RAB17: variants seen among roughly 807,000 people sequenced by gnomAD.
RAB17 encodes RAB17, member RAS oncogene family.
RAB17 carries 15 observed loss-of-function variants against 19.3 expected under a neutral mutation model. The observed-to-expected ratio is 0.78, with a 90% CI of 0.52 to 1.20. The LOEUF (loss-of-function observed/expected upper bound fraction) is 1.20, where lower values mean the gene tolerates loss of function less well. Ranked by LOEUF, RAB17 falls within the 50% of genes most tolerant of loss-of-function variation. RAB17 has a pLI of 0.00. For synonymous variants in RAB17, 110 were observed against 112.8 expected (o/e 0.97, Z 0.16); for missense variants, 262 against 269.3 (o/e 0.97, Z 0.19).
chr2:237,585,928 C>A (rs1019784905), intron 2 of RAB17, 70 bp downstream of exon 2: 1 of 1,476,094 alleles, frequency 6.8e-7, no homozygotes. Flanking sequence ...CCCCATCTGC[C>A]CCAGGTGTGG....
intron 3 of RAB17, 41 bp downstream of exon 3, chr2:237,577,963 C>A: frequency 6.4e-7 from 1 of 1,561,786 alleles, no homozygotes. Flanking sequence ...AAGGCAGGTG[C>A]TTGGGAAGGA....
Position 237,586,083 on chromosome 2 carries a change from G to A in RAB17, c.72C>T (p.Leu24=), listed in dbSNP as rs1267655092. 4.3e-6 allele frequency: 7 copies of A among 1,613,718 alleles called. No individual in the cohort carries two copies. The highest frequency in any genetic ancestry group is 5.1e-6 in the Non-Finnish European group (6 of 1,179,824). Residue 24 remains leucine (L), a synonymous_variant, in exon 2 of 6, where the codon CTC becomes CTT. Coordinates refer to ENST00000264601, the MANE Select transcript of RAB17 (RefSeq NM_022449.4). ...PSQPRVFKLV[L]LGSGSVGKSS... is the part of the protein sequence containing the mutation. ...ACTTACCCACGGAGCCACTTCCCAG[G>A]AGAACCAGCTTGAACACACGGGGCT...
chr2:237,582,253 C>T (rs753537588), intron 2 of RAB17, among the ~76,000 whole-genome samples: 4 of 152,238 alleles, frequency 2.6e-5, no homozygotes, highest in Non-Finnish European at 5.9e-5. Context: ...GAGCCCACCA[C>T]CTGTGTCATG....
intron 2 of RAB17, chr2:237,579,086 G>C (rs966833374): frequency 1.3e-5 from 2 of 152,210 alleles, no homozygotes; most frequent in Non-Finnish European, 2.9e-5. Context: ...TGGCTTGTCA[G>C]GAATGTGTTA....
intron 2 of RAB17, among the ~76,000 whole-genome samples, chr2:237,581,143 T>C (rs2081305308): frequency 6.6e-6 from 1 of 152,058 alleles, no homozygotes; most frequent in East Asian, 1.9e-4. Flanking sequence ...AACCCCAGCA[T>C]TTTGGGAGGC....
At chr2:237,581,690 A>G (rs1559396596) in intron 2 of RAB17, among the ~76,000 whole-genome samples, 1 of 152,230 alleles carries the variant, frequency 6.6e-6, no homozygotes, top group Admixed American at 6.5e-5. Context: ...CTGATGACAA[A>G]TTGAAAGGAA....
chr2:237,589,207 G>A (rs917411240), intron 1 of RAB17, among the ~76,000 whole-genome samples: 5 of 134,520 alleles, frequency 3.7e-5, no homozygotes, highest in African/African-American at 1.1e-4. Flanking sequence ...GTGACAGAGC[G>A]AGAATCTGTC....
At chr2:237,588,819 C>T (rs2081370325) in intron 1 of RAB17, among the ~76,000 whole-genome samples, 1 of 152,222 alleles carries the variant, frequency 6.6e-6, no homozygotes. Context: ...TAGCCCGAAA[C>T]ATGTCTGAAT....
intron 2 of RAB17, chr2:237,579,662 C>T (rs1297516315): frequency 6.6e-6 from 1 of 152,096 alleles, no homozygotes; most frequent in Non-Finnish European, 1.5e-5. Flanking sequence ...AGGTCGCACT[C>T]ACAGGTTCCG....
chr2:237,575,289 C>T (rs2081252599), intron 5 of RAB17, 98 bp downstream of exon 5: 2 of 1,115,186 alleles, frequency 1.8e-6, no homozygotes, highest in Non-Finnish European at 2.6e-6. Flanking sequence ...TCCCTAAAGA[C>T]ATTCTATGGG....
chr2:237,581,181 G>A (rs1296199182), intron 2 of RAB17, among the ~76,000 whole-genome samples: 1 of 152,108 alleles, frequency 6.6e-6, no homozygotes, highest in Admixed American at 6.5e-5. Flanking sequence ...TCTAGCTCAG[G>A]AGCTTAAGAT....
chr2:237,579,126 G>A (rs1246264191), intron 2 of RAB17: 1 of 152,202 alleles, frequency 6.6e-6, no homozygotes, highest in Non-Finnish European at 1.5e-5. Context: ...CGGGGCGGGG[G>A]AAGGCAAGGT....
intron 2 of RAB17, among the ~76,000 whole-genome samples, chr2:237,584,624 A>C (rs1178091493): frequency 1.3e-5 from 2 of 152,156 alleles, no homozygotes; most frequent in Non-Finnish European, 2.9e-5. Flanking sequence ...TCCGTGTCAG[A>C]GTGAGATCCA....
chr2:237,586,034 T>A lies in RAB17; in HGVS notation c.121A>T (p.Lys41Ter). The A allele has an allele frequency of 6.2e-7, 1 of 1,613,008 alleles. No individual in the cohort carries two copies. Among genetic ancestry groups the A allele is most frequent in the Non-Finnish European group, 8.5e-7 (1 of 1,179,558 alleles). The change falls in exon 2 of 6, where the codon AAG (lysine) becomes TAG (stop). Residue 41 changes from lysine (K) to a stop codon, truncating the protein, a stop_gained. Transcript: ENST00000264601. LOFTEE classifies it high-confidence loss of function. The stretch of plus-strand genomic sequence containing the variant: ...GGCAGGATACTCTTGAAGTCGTTCT[T>A]CACGTACCGAAGAGCCAAGCTGGAC... ...GKSSLALRYV[K>*]NDFKSILPTV...
At position 237,577,614 on chromosome 2, in the gene RAB17, C is replaced by T. The variant is rs1179521117; in HGVS notation, c.310-232G>A. The T allele has an allele frequency of 1.1e-5, 6 of 524,604 alleles. No homozygotes were observed. In the East Asian group the frequency reaches 1.9e-4, roughly 17 times the overall value. The allele number at this position is 524,604 out of a possible 1,614,324, so 32.5% of individuals were successfully genotyped here. On this transcript the variant is annotated intron_variant, in intron 3 of 5. Coordinates refer to ENST00000264601, the MANE Select transcript of RAB17 (RefSeq NM_022449.4). ...CTAGGACACACATCAGATCCTTCAC[C>T]CTGACCAGGCCCAGGAGACTGCCAG...
At chr2:237,588,246 C>T (rs1170620130) in intron 1 of RAB17, among the ~76,000 whole-genome samples, 1 of 151,978 alleles carries the variant, frequency 6.6e-6, no homozygotes, top group African/African-American at 2.4e-5. Context: ...TGCACATCCA[C>T]AAGCCTGCGT....
At chr2:237,582,555 C>T (rs979391228) in intron 2 of RAB17, among the ~76,000 whole-genome samples, 2 of 152,216 alleles carry the variant, frequency 1.3e-5, no homozygotes, top group African/African-American at 4.8e-5. Context: ...GGCGTGCTGC[C>T]TCCTGCATTT....
chr2:237,586,130 G>A lies in RAB17; in HGVS notation c.25C>T (p.Gln9Ter), dbSNP rs374343059. 6.9e-6 allele frequency: 11 copies of A among 1,604,722 alleles called. No individual in the cohort carries two copies. The Admixed American group carries it at 8.6e-5, about 13-fold the overall frequency. ...GGCTGGCTGGGGGCAGCCCTGGGCTGGGGGGTCCTGTGTGCCTGTGCCATG... is the reference window on the plus strand; with the variant it reads ...GGCTGGCTGGGGGCAGCCCTGGGCTAGGGGGTCCTGTGTGCCTGTGCCATG... MAQAHRTP[Q>*]PRAAPSQPRV... Residue 9 changes from glutamine (Q) to a stop codon, truncating the protein, a stop_gained, in exon 2 of 6, where the codon CAG becomes TAG. Transcript: ENST00000264601. LOFTEE classifies it high-confidence loss of function.
chr2:237,586,713 C>T (rs868341914), intron 1 of RAB17, among the ~76,000 whole-genome samples: 1 of 152,150 alleles, frequency 6.6e-6, no homozygotes, highest in Admixed American at 6.5e-5. Context: ...AAACCAACTT[C>T]GTGATCAAAA....
Sources: gnomAD v4.1 joint callset for allele counts (sites outside exome capture counted in the v4.1 genomes callset) on GRCh38, gnomAD v4.1.1 for gene constraint, MANE v1.5 for transcripts, NCBI Gene and HGNC (gene_info 2026-07-23, HGNC 2026-07-21) for gene names.